MALRD1: variants seen among roughly 807,000 people sequenced by gnomAD.
MALRD1 encodes the protein MAM and LDL-receptor class A domain-containing protein 1.
MALRD1 carries 247 observed loss-of-function variants against 242.1 expected under a neutral mutation model. The ratio of observed to expected loss-of-function variants is 1.02; its 90% CI spans 0.92 to 1.13. The LOEUF (loss-of-function observed/expected upper bound fraction) is 1.13. MALRD1 is among the 50% of genes most tolerant of loss of function. MALRD1 has a pLI of 0.00. For missense variants in MALRD1, 2,989 were observed against 2,533.1 expected, an observed-to-expected ratio of 1.18 and a Z score of -3.86; for synonymous variants, 995 against 866.6, an observed-to-expected ratio of 1.15 and a Z score of -2.60.
chr10:19,511,233 T>C (rs1833388180), intron 31 of MALRD1, among the ~76,000 whole-genome samples: 1 of 152,184 alleles, frequency 6.6e-6, no homozygotes, highest in Admixed American at 6.5e-5. Context: ...TCCAGTTGAT[T>C]ATGGAGTGAG....
chr10:19,602,790 G>A (rs1838423936), intron 34 of MALRD1, among the ~76,000 whole-genome samples: 1 of 152,110 alleles, frequency 6.6e-6, no homozygotes, highest in Non-Finnish European at 1.5e-5. Flanking sequence ...CACAATGGTT[G>A]AACTAGTTGA....
chr10:19,209,345 A>T lies in MALRD1; in HGVS notation c.2656A>T (p.Arg886Trp), dbSNP rs1220419979. 10 of 1,550,650 alleles carry T rather than the reference A, an allele frequency of 6.4e-6. No homozygotes were observed. Among genetic ancestry groups the T allele is most frequent in the Non-Finnish European group, 8.7e-6 (10 of 1,146,988 alleles). Residue 886 changes from arginine (R) to tryptophan (W), a missense_variant, in exon 18 of 40, where the codon AGG (arginine) becomes TGG (tryptophan). Arg to Trp is a moderately radical substitution (Grantham distance 101). Transcript: ENST00000454679. Reference protein sequence around the residue: ...QDAKDDFDWTRSQGPTPTLNT... With the variant: ...QDAKDDFDWTWSQGPTPTLNT... ...TGCAAAAGATGACTTTGATTGGACCAGGAGCCAGGGTCCAACTCCAACACT... is the reference window on the plus strand; with the variant it reads ...TGCAAAAGATGACTTTGATTGGACCTGGAGCCAGGGTCCAACTCCAACACT...
chr10:19,724,254 G>A (rs566679824), intron 38 of MALRD1, among the ~76,000 whole-genome samples: 6 of 152,232 alleles, frequency 3.9e-5, no homozygotes, highest in South Asian at 4.1e-4. Flanking sequence ...GTAAATTGGC[G>A]GGAGGGGGAA....
At chr10:19,250,988 AC>A (rs1839271509) in intron 18 of MALRD1, among the ~76,000 whole-genome samples, 1 of 151,914 alleles carries the variant, frequency 6.6e-6, no homozygotes, top group South Asian at 2.1e-4. Flanking sequence ...TGCCCTCAAC[AC>A]AGCAGAGGCC....
At chr10:19,587,682 A>G (rs1382285460) in intron 33 of MALRD1, among the ~76,000 whole-genome samples, 1 of 152,254 alleles carries the variant, frequency 6.6e-6, no homozygotes, top group African/African-American at 2.4e-5. Context: ...GGGCAAAGAA[A>G]CACCTACAAT....
At chr10:19,679,943 A>G (rs532643162) in intron 36 of MALRD1, among the ~76,000 whole-genome samples, 1 of 152,194 alleles carries the variant, frequency 6.6e-6, no homozygotes, top group South Asian at 2.1e-4. Flanking sequence ...TTCAATTTCC[A>G]TGTAGTTGTG....
At chr10:19,471,163 C>T (rs535930176) in intron 29 of MALRD1, among the ~76,000 whole-genome samples, 14 of 151,822 alleles carry the variant, frequency 9.2e-5, no homozygotes, top group African/African-American at 3.1e-4. Flanking sequence ...ATTCAGTTTT[C>T]CCAGTACCAT....
At chr10:19,108,387 C>CTTTTTTCTTTTTTTTTT (rs1836548874) in intron 5 of MALRD1, among the ~76,000 whole-genome samples, 1 of 19,764 alleles carries the variant, frequency 5.1e-5, no homozygotes, top group Admixed American at 6.8e-4. Context: ...ATTGTTTTTT[C>CTTTTTTCTTTTTTTTTT]TTTTTTTTTT....
At chr10:19,656,845 C>T (rs146683414) in intron 36 of MALRD1, among the ~76,000 whole-genome samples, 140 of 152,260 alleles carry the variant, frequency 9.2e-4, no homozygotes, top group African/African-American at 3.3e-3. Flanking sequence ...TTATGACACA[C>T]ACAGTGTCAT....
chr10:19,192,492 A>C (rs1836029776), intron 14 of MALRD1, among the ~76,000 whole-genome samples: 1 of 152,244 alleles, frequency 6.6e-6, no homozygotes, highest in Non-Finnish European at 1.5e-5. Context: ...AATCCTCAGC[A>C]GACAGGCAGC....
At chr10:19,424,918 A>G (rs897263451) in intron 28 of MALRD1, among the ~76,000 whole-genome samples, 4 of 151,930 alleles carry the variant, frequency 2.6e-5, no homozygotes, top group South Asian at 2.1e-4. Flanking sequence ...ATGTCAAAAG[A>G]ACCAAAGAGT....
intron 4 of MALRD1, among the ~76,000 whole-genome samples, chr10:19,097,034 T>C (rs915231241): frequency 6.6e-6 from 1 of 152,112 alleles, no homozygotes; most frequent in Admixed American, 6.6e-5. Context: ...TTTCAGAGAG[T>C]TTCTGAAGAT....
intron 38 of MALRD1, among the ~76,000 whole-genome samples, chr10:19,700,851 G>A (rs377761054): frequency 3.7e-4 from 57 of 152,234 alleles, no homozygotes; most frequent in African/African-American, 1.3e-3. Context: ...CTTACAAGTT[G>A]CACTCAAGAG....
intron 10 of MALRD1, among the ~76,000 whole-genome samples, chr10:19,138,651 C>G (rs1375359883): frequency 6.6e-6 from 1 of 152,112 alleles, no homozygotes; most frequent in African/African-American, 2.4e-5. Context: ...AACTCCTGAT[C>G]TCAGGTGATC....
chr10:19,102,017 T>A (rs968529947), intron 4 of MALRD1, among the ~76,000 whole-genome samples: 35 of 141,168 alleles, frequency 2.5e-4, no homozygotes, highest in Non-Finnish European at 4.1e-4. Context: ...TATATTATAA[T>A]GTTTTAATTA....
At chr10:19,213,473 C>T (rs1482553980) in intron 18 of MALRD1, among the ~76,000 whole-genome samples, 1 of 152,130 alleles carries the variant, frequency 6.6e-6, no homozygotes, top group Non-Finnish European at 1.5e-5. Context: ...ACTTCGTGAT[C>T]CACCTGCCTC....
intron 36 of MALRD1, among the ~76,000 whole-genome samples, chr10:19,639,332 G>T (rs1365328229): frequency 6.6e-6 from 1 of 152,082 alleles, no homozygotes; most frequent in Non-Finnish European, 1.5e-5. Context: ...TCTTGATTAG[G>T]CAAGTGGCTG....
intron 32 of MALRD1, 122 bp downstream of exon 32, chr10:19,531,473 C>T: frequency 1.0e-6 from 1 of 958,426 alleles, no homozygotes; most frequent in South Asian, 2.6e-5. Context: ...CCATTAATTT[C>T]TCATTTCTTT....
intron 14 of MALRD1, among the ~76,000 whole-genome samples, chr10:19,191,016 C>A (rs1835952102): frequency 6.6e-6 from 1 of 152,074 alleles, no homozygotes; most frequent in Admixed American, 6.6e-5. Context: ...AGTAAAAAGG[C>A]AACCCCAAGA....
Sources: gnomAD v4.1 joint callset for allele counts (sites outside exome capture counted in the v4.1 genomes callset) on GRCh38, gnomAD v4.1.1 for gene constraint, MANE v1.5 for transcripts, NCBI Gene and HGNC (gene_info 2026-07-23, HGNC 2026-07-21) for gene names.